Variants in TCF12 observed in about 807,000 individuals in gnomAD.
The protein encoded by TCF12 is DNA-binding protein HTF4.
A neutral mutation model predicts 86.0 loss-of-function variants in TCF12; 45 were observed. That is an observed-to-expected ratio of 0.52 (90% CI 0.41 to 0.67). TCF12 has a LOEUF of 0.67. Among genes scored for constraint, TCF12 ranks in the 30% least tolerant of loss-of-function variants. TCF12 has a pLI of 0.00. For synonymous variants in TCF12, 330 were observed against 299.6 expected (o/e 1.10, Z -1.05); for missense variants, 881 against 859.9 (o/e 1.02, Z -0.31).
intron 5 of TCF12, among the ~76,000 whole-genome samples, chr15:57,123,940 G>C (rs889743296): frequency 5.5e-4 from 75 of 137,602 alleles, no homozygotes; most frequent in African/African-American, 1.8e-3. Context: ...CTGCACTCCA[G>C]CCTGGGCGAC....
chr15:57,181,332 C>G (rs982663425), intron 6 of TCF12, among the ~76,000 whole-genome samples: 6 of 148,408 alleles, frequency 4.0e-5, no homozygotes, highest in Non-Finnish European at 5.9e-5. Flanking sequence ...TTAAGCAGTC[C>G]TCCTGCCTCA....
chr15:57,107,563 A>G (rs1377696353), intron 5 of TCF12, among the ~76,000 whole-genome samples: 1 of 152,054 alleles, frequency 6.6e-6, no homozygotes, highest in Non-Finnish European at 1.5e-5. Flanking sequence ...AATGTAAACT[A>G]TGAACTTGGG....
chr15:57,081,056 C>T (rs909575979), intron 4 of TCF12, among the ~76,000 whole-genome samples: 1 of 152,122 alleles, frequency 6.6e-6, no homozygotes, highest in Non-Finnish European at 1.5e-5. Flanking sequence ...CATGAGAGTC[C>T]CCCAGTCCAA....
At chr15:57,026,622 C>T (rs1266952614) in intron 3 of TCF12, among the ~76,000 whole-genome samples, 1 of 152,108 alleles carries the variant, frequency 6.6e-6, no homozygotes, top group Non-Finnish European at 1.5e-5. Context: ...CTTTGTATGA[C>T]TCTGCTTATT....
At chr15:56,984,807 A>G (rs1466261654) in intron 3 of TCF12, among the ~76,000 whole-genome samples, 1 of 152,242 alleles carries the variant, frequency 6.6e-6, no homozygotes, top group Non-Finnish European at 1.5e-5. Flanking sequence ...AGGCCAGACC[A>G]TAGGGATTAA....
At chr15:57,203,868 T>C (rs1339993879) in intron 8 of TCF12, among the ~76,000 whole-genome samples, 5 of 151,954 alleles carry the variant, frequency 3.3e-5, no homozygotes, top group African/African-American at 1.2e-4. Context: ...GCAAAAAAAT[T>C]AGCCAGGTGT....
At chr15:57,011,730 C>A (rs578176153) in intron 3 of TCF12, among the ~76,000 whole-genome samples, 1 of 152,262 alleles carries the variant, frequency 6.6e-6, no homozygotes, top group East Asian at 1.9e-4. Context: ...ACCCCCCAGT[C>A]TTCCTACCCT....
intron 12 of TCF12, among the ~76,000 whole-genome samples, chr15:57,240,674 G>A (rs1469136618): frequency 6.6e-6 from 1 of 152,072 alleles, no homozygotes; most frequent in Non-Finnish European, 1.5e-5. Flanking sequence ...TTCAGCCTAG[G>A]AGTTCAAGAC....
intron 8 of TCF12, among the ~76,000 whole-genome samples, chr15:57,204,269 G>GCA (rs151328034): frequency 4.7e-4 from 72 of 151,854 alleles, no homozygotes; most frequent in African/African-American, 1.5e-3. Context: ...GACCTTGTCT[G>GCA]CACACACACA....
At chr15:57,071,318 G>C (rs981386507) in intron 4 of TCF12, among the ~76,000 whole-genome samples, 4 of 151,838 alleles carry the variant, frequency 2.6e-5, no homozygotes, top group Non-Finnish European at 5.9e-5. Context: ...AGGCTGAAGT[G>C]GGAGGATTAC....
At chr15:57,203,834 G>T (rs1280776721) in intron 8 of TCF12, among the ~76,000 whole-genome samples, 1 of 152,108 alleles carries the variant, frequency 6.6e-6, no homozygotes, top group Non-Finnish European at 1.5e-5. Flanking sequence ...ACCAGCCTGA[G>T]CAACCTAGTG....
chr15:57,162,823 C>CT (rs1195828764), intron 5 of TCF12, among the ~76,000 whole-genome samples: 37 of 152,004 alleles, frequency 2.4e-4, no homozygotes. Flanking sequence ...CCTTTTTCCA[C>CT]TTCAACTTTT....
At chr15:56,988,305 A>G (rs752998806) in intron 3 of TCF12, among the ~76,000 whole-genome samples, 2 of 152,166 alleles carry the variant, frequency 1.3e-5, no homozygotes, top group African/African-American at 2.4e-5. Context: ...ACACTAGACT[A>G]TGTGGTATAG....
intron 18 of TCF12, among the ~76,000 whole-genome samples, chr15:57,265,955 G>A (rs1276720797): frequency 6.6e-6 from 1 of 152,102 alleles, no homozygotes; most frequent in Non-Finnish European, 1.5e-5. Context: ...GTCCCTCATT[G>A]ACTGAAATGT....
intron 3 of TCF12, among the ~76,000 whole-genome samples, chr15:56,994,478 A>T (rs191911398): frequency 1.3e-5 from 2 of 152,156 alleles, no homozygotes; most frequent in African/African-American, 4.8e-5. Flanking sequence ...AGATTCAGAG[A>T]ATCAGAAATG....
intron 6 of TCF12, among the ~76,000 whole-genome samples, chr15:57,180,654 A>AGTCTT (rs146044539): frequency 6.6e-6 from 1 of 151,276 alleles, no homozygotes; most frequent in African/African-American, 2.4e-5. Flanking sequence ...ATTCTGTAGA[A>AGTCTT]TAATAACACA....
At chr15:57,107,549 C>A (rs527421833) in intron 5 of TCF12, among the ~76,000 whole-genome samples, 39 of 151,914 alleles carry the variant, frequency 2.6e-4, no homozygotes, top group Non-Finnish European at 5.9e-5. Flanking sequence ...CAAGAGTAAA[C>A]CCTAATGTAA....
chr15:57,181,100 C>T (rs2056319061), intron 6 of TCF12, among the ~76,000 whole-genome samples: 1 of 151,976 alleles, frequency 6.6e-6, no homozygotes, highest in Admixed American at 6.5e-5. Context: ...AGGCGTGAGC[C>T]ACCACGCCTG....
chr15:57,243,640 TTG>T, intron 13 of TCF12, 90 bp downstream of exon 13: 1 of 1,170,348 alleles, frequency 8.5e-7, no homozygotes, highest in Non-Finnish European at 1.2e-6. Flanking sequence ...TAATAAAAAT[TTG>T]TGAAAAATCA....
Sources: gnomAD v4.1 joint callset for allele counts (sites outside exome capture counted in the v4.1 genomes callset) on GRCh38, gnomAD v4.1.1 for gene constraint, MANE v1.5 for transcripts, NCBI Gene and HGNC (gene_info 2026-07-23, HGNC 2026-07-21) for gene names.